Variants in DHRS9 observed in about 807,000 individuals in gnomAD.
DHRS9 encodes dehydrogenase/reductase SDR family member 9.
Under a neutral mutation model 26.6 loss-of-function variants are expected in DHRS9, and 18 were observed. The observed-to-expected ratio is 0.68, with a 90% CI of 0.47 to 1.00. DHRS9 has a LOEUF of 1.00. Ranked by LOEUF, DHRS9 falls within the 50% of genes least tolerant of loss-of-function variation. DHRS9 has a pLI of 0.00. For missense variants in DHRS9, 425 were observed against 378.7 expected (o/e 1.12, Z -1.01); for synonymous variants, 134 against 141.1 (o/e 0.95, Z 0.36).
chr2:169,094,410 G>C (rs536957410), intron 4 of DHRS9, among the ~76,000 whole-genome samples: 1 of 152,056 alleles, frequency 6.6e-6, no homozygotes, highest in African/African-American at 2.4e-5. Flanking sequence ...TTGCTGTGCA[G>C]AAGCTTTTTA....
At chr2:169,078,492 C>T (rs1684032836) in intron 1 of DHRS9, among the ~76,000 whole-genome samples, 1 of 152,138 alleles carries the variant, frequency 6.6e-6, no homozygotes, top group African/African-American at 2.4e-5. Context: ...GAGCAAAACG[C>T]TATATTAGTT....
intron 1 of DHRS9, chr2:169,074,406 G>A (rs1683899756): frequency 1.0e-6 from 1 of 985,388 alleles, no homozygotes; most frequent in Non-Finnish European, 1.2e-6. Flanking sequence ...GCCCTATTAA[G>A]CAATTTGTTG....
In DHRS9 at chr2:169,083,367, G is replaced by A. The variant is rs773803638; in HGVS notation, c.352G>A (p.Val118Met). 4.4e-5 allele frequency: 71 copies of A among 1,613,966 alleles called. No individual in the cohort carries two copies. Among genetic ancestry groups the A allele is most frequent in the Admixed American group, 4.2e-4 (25 of 59,994 alleles). ...GLINNAGVPG[V>M]LAPTDWLTLE... Reference sequence around the variant, plus strand: ...GATCAATAATGCTGGTGTTCCCGGCGTGCTGGCTCCCACTGACTGGCTGAC... The same window carrying A: ...GATCAATAATGCTGGTGTTCCCGGCATGCTGGCTCCCACTGACTGGCTGAC... The change falls in exon 3 of 5, where the codon GTG (valine) becomes ATG (methionine). Residue 118 changes from valine (V) to methionine (M), a missense_variant. Transcript: ENST00000674881.
intron 1 of DHRS9, among the ~76,000 whole-genome samples, chr2:169,078,602 A>G (rs907351754): frequency 2.0e-5 from 3 of 152,194 alleles, no homozygotes; most frequent in Non-Finnish European, 4.4e-5. Flanking sequence ...TTTATAATGT[A>G]TTTGAGAACG....
upstream of DHRS9, among the ~76,000 whole-genome samples, chr2:169,068,212 T>C (rs1683701915): frequency 6.6e-6 from 1 of 152,238 alleles, no homozygotes; most frequent in Non-Finnish European, 1.5e-5. Flanking sequence ...CAATGTATTG[T>C]CTATGAGGTT....
chr2:169,095,398 T>C (rs1481005132), intron 4 of DHRS9, 146 bp from the exon 5 acceptor site: 5 of 704,014 alleles, frequency 7.1e-6, no homozygotes, highest in East Asian at 2.5e-5. Flanking sequence ...TTCTGAGGAA[T>C]AGATAGTAAA....
intron 1 of DHRS9, among the ~76,000 whole-genome samples, chr2:169,075,764 A>G (rs900385768): frequency 6.6e-6 from 1 of 152,094 alleles, no homozygotes; most frequent in Admixed American, 6.6e-5. Flanking sequence ...ATGTTTCCCC[A>G]TGCATAATTA....
chr2:169,094,346 C>A (rs936507783), intron 4 of DHRS9, among the ~76,000 whole-genome samples: 1 of 152,026 alleles, frequency 6.6e-6, no homozygotes, highest in Non-Finnish European at 1.5e-5. Flanking sequence ...ATAAAGTTTG[C>A]AAATATTTTT....
rs1684540345 is a variant in DHRS9 at position 169,091,879 on chromosome 2, A to T, written c.662A>T (p.Glu221Val). Residue 221 changes from glutamate to valine, a missense_variant, in exon 4 of 5, where the codon GAA (glutamate) becomes GTA (valine). Transcript: ENST00000674881. ...TNLADPVKVI[E>V]KKLAIWEQLS... The stretch of plus-strand genomic sequence containing the variant: ...TTGGCAGATCCAGTAAAGGTAATTG[A>T]AAAAAAACTCGCCATTTGGGAGCAG... The T allele has an allele frequency of 6.2e-7, 1 of 1,613,896 alleles. No individual in the cohort carries two copies. Among genetic ancestry groups the T allele is most frequent in the Non-Finnish European group, 8.5e-7 (1 of 1,179,916 alleles).
At chr2:169,092,763 A>G (rs185597674) in intron 4 of DHRS9, among the ~76,000 whole-genome samples, 2 of 152,334 alleles carry the variant, frequency 1.3e-5, no homozygotes, top group Admixed American at 1.3e-4. Flanking sequence ...GAGAATAATA[A>G]TAAAGATGAC....
At chr2:169,069,956 T>C (rs935953545) in intron 1 of DHRS9, among the ~76,000 whole-genome samples, 1 of 152,206 alleles carries the variant, frequency 6.6e-6, no homozygotes, top group African/African-American at 2.4e-5. Flanking sequence ...TCTCTTTGAA[T>C]GTCCTTTAGC....
chr2:169,081,253 T>A, intron 1 of DHRS9: 3 of 862,314 alleles, frequency 3.5e-6, no homozygotes, highest in Non-Finnish European at 4.6e-6. Flanking sequence ...GGCAACTCAA[T>A]GGCTTGTGTC....
intron 3 of DHRS9, among the ~76,000 whole-genome samples, chr2:169,085,272 C>T (rs1338565598): frequency 8.6e-5 from 13 of 152,042 alleles, no homozygotes. Context: ...TAATGTGATT[C>T]CTCCAGTTTT....
At chr2:169,092,478 A>G (rs1684560953) in intron 4 of DHRS9, among the ~76,000 whole-genome samples, 2 of 152,248 alleles carry the variant, frequency 1.3e-5, no homozygotes, top group South Asian at 4.1e-4. Flanking sequence ...AAACAATGAA[A>G]TAATGTAGCA....
At chr2:169,070,688 C>T in intron 1 of DHRS9, 1 of 984,334 alleles carries the variant, frequency 1.0e-6, no homozygotes, top group Non-Finnish European at 1.2e-6. Flanking sequence ...AAATCATTAA[C>T]TCATATATTT....
chr2:169,076,157 T>G (rs1683956695), intron 1 of DHRS9, among the ~76,000 whole-genome samples: 1 of 152,320 alleles, frequency 6.6e-6, no homozygotes, highest in South Asian at 2.1e-4. Context: ...TATCCTTATT[T>G]ATTGATTGAT....
chr2:169,079,840 G>A lies in DHRS9; in HGVS notation c.-59-1683G>A, dbSNP rs532157117. 5.3e-4 allele frequency among the ~76,000 whole-genome samples: 76 copies of A among 143,568 alleles called. 1 individual carries two copies. Among genetic ancestry groups the A allele is most frequent in the Admixed American group, 2.8e-4 (4 of 14,164 alleles). The allele number at this position is 143,568 out of a possible 152,430, so 94.2% of individuals were successfully genotyped here. On this transcript the variant is annotated intron_variant, in intron 1 of 4. Transcript: ENST00000674881. ...TGCACCACTGCACTCCAGCCTGGGC[G>A]ACAACAGCGAAATTCCATCTGAAAG... is the stretch of plus-strand genomic sequence containing the variant.
At chr2:169,075,313 A>G (rs895601028) in intron 1 of DHRS9, among the ~76,000 whole-genome samples, 1 of 152,188 alleles carries the variant, frequency 6.6e-6, no homozygotes, top group African/African-American at 2.4e-5. Flanking sequence ...ACTTTACCAC[A>G]TCTGCCTTCT....
At chr2:169,070,533 T>C (rs1296052839) in intron 1 of DHRS9, 1 of 985,322 alleles carries the variant, frequency 1.0e-6, no homozygotes, top group East Asian at 1.1e-4. Flanking sequence ...TCCCTCGGCA[T>C]ATATTAACTG....
Sources: gnomAD v4.1 joint callset for allele counts (sites outside exome capture counted in the v4.1 genomes callset) on GRCh38, gnomAD v4.1.1 for gene constraint, MANE v1.5 for transcripts, NCBI Gene and HGNC (gene_info 2026-07-23, HGNC 2026-07-21) for gene names.